Variants in NIN observed in about 807,000 individuals in gnomAD.
NIN encodes glycogen synthase kinase 3 beta-interacting protein.
A neutral mutation model predicts 257.6 loss-of-function variants in NIN; 137 were observed. The ratio of observed to expected loss-of-function variants is 0.53; its 90% CI spans 0.46 to 0.61. The LOEUF (loss-of-function observed/expected upper bound fraction) is 0.61. Among genes scored for constraint, NIN ranks in the 20% least tolerant of loss-of-function variants. NIN has a pLI of 0.00. For synonymous variants in NIN, 918 were observed against 919.8 expected (o/e 1.00, Z 0.04); for missense variants, 2,439 against 2,501.2 (o/e 0.98, Z 0.53).
At position 50,764,526 on chromosome 14, in the gene NIN, G is replaced by A. The variant is rs369777650; in HGVS notation, c.1636-562C>T. Among the ~76,000 whole-genome samples the A allele has an allele frequency of 1.8e-4, 28 of 152,106 alleles. No individual in the cohort carries two copies. The East Asian group carries it at 3.5e-3, about 19-fold the overall frequency. ...GATATATGCCCATACAAAAACGTGC[G>A]CACAAATTTTCATAGCTGCGTTACT... On this transcript the variant is annotated intron_variant, in intron 14 of 30. Transcript: ENST00000530997.
At chr14:50,747,772 A>C (rs1386921785) in intron 22 of NIN, among the ~76,000 whole-genome samples, 1 of 151,992 alleles carries the variant, frequency 6.6e-6, no homozygotes, top group East Asian at 1.9e-4. Context: ...TAGAGTGTAC[A>C]ACATATATAA....
chr14:50,765,094 T>TAACA (rs1595811935), intron 14 of NIN, among the ~76,000 whole-genome samples: 1 of 138,592 alleles, frequency 7.2e-6, no homozygotes, highest in Non-Finnish European at 1.5e-5. Flanking sequence ...AAAAAAAAAT[T>TAACA]AGGCGTTTGG....
At chr14:50,746,823 T>TCTTTCATA (rs1351124118) in intron 22 of NIN, among the ~76,000 whole-genome samples, 1 of 152,242 alleles carries the variant, frequency 6.6e-6, no homozygotes, top group Non-Finnish European at 1.5e-5. Flanking sequence ...AGTTGAGACC[T>TCTTTCATA]CTTTCATATT....
At chr14:50,727,732 C>T (rs369825200) in intron 29 of NIN, 37 of 1,429,736 alleles carry the variant, frequency 2.6e-5, no homozygotes, top group East Asian at 9.6e-5. Context: ...GTGCACTGCT[C>T]GCTGCTCCGG....
At chr14:50,769,389 A>C (rs1309139616) in intron 12 of NIN, among the ~76,000 whole-genome samples, 1 of 152,178 alleles carries the variant, frequency 6.6e-6, no homozygotes, top group South Asian at 2.1e-4. Flanking sequence ...CACAGGAAAG[A>C]GGGGAGGATG....
chr14:50,802,417 A>G (rs545156115), intron 4 of NIN, among the ~76,000 whole-genome samples: 1 of 152,214 alleles, frequency 6.6e-6, no homozygotes, highest in Non-Finnish European at 1.5e-5. Context: ...TGTACCTCAG[A>G]GGAGTTATAA....
chr14:50,724,054 A>T (rs898564575), intron 30 of NIN: 1 of 200,788 alleles, frequency 5.0e-6, no homozygotes, highest in Non-Finnish European at 1.0e-5. Flanking sequence ...TGCTTGTAAC[A>T]ACAGATACTT....
intron 7 of NIN, among the ~76,000 whole-genome samples, chr14:50,773,741 T>C (rs73297347): frequency 0.011 from 1,750 of 152,278 alleles, 31 homozygotes; most frequent in African/African-American, 0.04. Flanking sequence ...TTCCAAGACA[T>C]GTAAAGGCAA....
At chr14:50,831,226 C>A (rs927476215), upstream of NIN, 3 of 151,510 alleles carry the variant, frequency 2.0e-5, no homozygotes, top group African/African-American at 7.3e-5. Flanking sequence ...CCTCTGCGGC[C>A]CGCGCGGCTC....
chr14:50,813,252 T>C (rs2044722397), intron 3 of NIN, among the ~76,000 whole-genome samples: 1 of 152,246 alleles, frequency 6.6e-6, no homozygotes, highest in African/African-American at 2.4e-5. Context: ...GAAATCTTCA[T>C]AAATATACAA....
At chr14:50,829,265 C>A (rs1222393096) in intron 2 of NIN, among the ~76,000 whole-genome samples, 1 of 152,214 alleles carries the variant, frequency 6.6e-6, no homozygotes, top group African/African-American at 2.4e-5. Context: ...TGGAAATCCT[C>A]AGCTCCCTTC....
At chr14:50,828,941 A>G (rs991588251) in intron 2 of NIN, among the ~76,000 whole-genome samples, 1 of 152,082 alleles carries the variant, frequency 6.6e-6, no homozygotes, top group African/African-American at 2.4e-5. Context: ...TGCCTATTAA[A>G]ATGACTGATC....
intron 21 of NIN, among the ~76,000 whole-genome samples, chr14:50,750,821 C>T (rs975496189): frequency 6.6e-6 from 1 of 152,136 alleles, no homozygotes; most frequent in Non-Finnish European, 1.5e-5. Context: ...AGAGTCAGAG[C>T]TATACGAAAA....
chr14:50,784,294 G>GA, intron 5 of NIN, among the ~76,000 whole-genome samples: 1 of 152,126 alleles, frequency 6.6e-6, no homozygotes, highest in Non-Finnish European at 1.5e-5. Context: ...ATTTCAGTCA[G>GA]AAAAATGATG....
In NIN at chr14:50,777,079, G is replaced by C; in HGVS notation, c.536C>G (p.Pro179Arg). 1 of 1,614,126 alleles carries C rather than the reference G, an allele frequency of 6.2e-7. No individual in the cohort carries two copies. Among genetic ancestry groups the C allele is most frequent in the Non-Finnish European group, 8.5e-7 (1 of 1,179,998 alleles). ...LNASQSGSSP[P>R]QDWIEEKLQE... is the part of the protein sequence containing the mutation. ...CAGTTTCTCTTCTATCCAGTCTTGG[G>C]GAGGGGAAGATCCACTCTGTGAAGC... Residue 179 changes from proline to arginine, a missense_variant, in exon 7 of 31, where the codon CCC (proline) becomes CGC (arginine). Pro to Arg is a moderately radical substitution (Grantham distance 103, BLOSUM62 -2). Around this residue, in one of 3 missense-constraint regions of NIN, gnomAD observed 387 missense variants for 427.3 expected, o/e 0.91. Coordinates refer to ENST00000530997, the MANE Select transcript of NIN (RefSeq NM_020921.4).
At chr14:50,819,674 G>C (rs1355223178) in intron 3 of NIN, among the ~76,000 whole-genome samples, 4 of 152,220 alleles carry the variant, frequency 2.6e-5, no homozygotes, top group Non-Finnish European at 4.4e-5. Context: ...CCCATGCCAT[G>C]AGACTACAGG....
intron 3 of NIN, among the ~76,000 whole-genome samples, chr14:50,810,849 A>G (rs2044564005): frequency 1.3e-5 from 2 of 151,862 alleles, no homozygotes; most frequent in Middle Eastern, 3.4e-3. Flanking sequence ...TTTTTAGTAG[A>G]GACAGGGTTT....
intron 2 of NIN, chr14:50,823,155 GGT>G (rs1491396006): frequency 1.7e-3 from 434 of 262,636 alleles, no homozygotes; most frequent in East Asian, 3.0e-3. Context: ...TGAAATCTGT[GGT>G]TTTTTTTTTT....
At chr14:50,816,181 G>A (rs1191686395) in intron 3 of NIN, among the ~76,000 whole-genome samples, 3 of 151,864 alleles carry the variant, frequency 2.0e-5, no homozygotes, top group South Asian at 4.2e-4. Context: ...GAGGTAGGGG[G>A]TGGGTGGGGA....
Sources: gnomAD v4.1 joint callset for allele counts (sites outside exome capture counted in the v4.1 genomes callset) on GRCh38, gnomAD v4.1.1 for gene constraint, gnomAD v4.1.1 regional missense constraint, MANE v1.5 for transcripts, NCBI Gene and HGNC (gene_info 2026-07-23, HGNC 2026-07-21) for gene names.